Variants in FRY observed in about 807,000 individuals in gnomAD.
FRY encodes the protein protein furry homolog.
In FRY, 128 loss-of-function variants were observed where a neutral mutation model predicts 348.4. The ratio of observed to expected loss-of-function variants is 0.37; its 90% CI spans 0.32 to 0.43. FRY has a LOEUF of 0.43. FRY is among the 20% of genes least tolerant of loss of function. FRY has a pLI of 1.00. For missense variants in FRY, 2,736 were observed against 3,695.2 expected (o/e 0.74, Z 6.73); for synonymous variants, 1,370 against 1,374.7 (o/e 1.00, Z 0.08).
rs189162930 is a variant in FRY at position 32,085,872 on chromosome 13, T to G, written c.270+6839T>G. 23 of 518,938 alleles carry G rather than the reference T, an allele frequency of 4.4e-5. No homozygotes were observed. In the East Asian group the frequency reaches 1.3e-3, roughly 28 times the overall value. The allele number at this position is 518,938 out of a possible 1,614,324, so 32.1% of individuals were successfully genotyped here. A position where few individuals can be genotyped will look rare whatever the true frequency, so the allele number is the denominator to read the frequency against. On this transcript the variant is annotated intron_variant, in intron 2 of 60. Transcript: ENST00000542859. ...GCATTGACAGAGACACAACCACAGCTCCTTTCAGCAGACCTGGTCTTAGCC... is the reference window on the plus strand; with the variant it reads ...GCATTGACAGAGACACAACCACAGCGCCTTTCAGCAGACCTGGTCTTAGCC...
intron 35 of FRY, among the ~76,000 whole-genome samples, chr13:32,217,857 G>GT: frequency 6.6e-6 from 1 of 152,144 alleles, no homozygotes. Flanking sequence ...TTTTGTTTTT[G>GT]TTTTTGTTTT....
intron 14 of FRY, among the ~76,000 whole-genome samples, 193 bp downstream of exon 14, chr13:32,150,027 G>A (rs868162931): frequency 2.0e-5 from 3 of 152,250 alleles, no homozygotes; most frequent in East Asian, 1.9e-4. Context: ...AGAATGAAAC[G>A]GTTAGTTGAA....
rs553130939 is a variant in FRY at position 32,143,128 on chromosome 13, C to G, written c.1180-4154C>G. Among the ~76,000 whole-genome samples the G allele has an allele frequency of 1.2e-4, 19 of 152,298 alleles. 1 individual carries two copies. The South Asian group carries it at 3.9e-3, about 32-fold the overall frequency. Reference sequence around the variant, plus strand: ...GAAGTGGTACAAGGGAGCCAGGTCACAAAAGGCCCCTCATGTGCTATATTA... The same window carrying G: ...GAAGTGGTACAAGGGAGCCAGGTCAGAAAAGGCCCCTCATGTGCTATATTA... On this transcript the variant is annotated intron_variant, in intron 11 of 60. Coordinates refer to ENST00000542859, the MANE Select transcript of FRY (RefSeq NM_023037.3).
chr13:32,087,206 T>G (rs1875934011), intron 2 of FRY, among the ~76,000 whole-genome samples: 2 of 152,250 alleles, frequency 1.3e-5, no homozygotes, highest in South Asian at 4.1e-4. Flanking sequence ...ATGTCATGCT[T>G]AAGAACAAAC....
chr13:32,211,035 G>T lies in FRY; in HGVS notation c.4591+1G>T. On this transcript the variant is annotated splice_donor_variant, in intron 34 of 60. Transcript: ENST00000542859. LOFTEE classifies it high-confidence loss of function. ...AGCAAGGCTTCCGCAGCAGCCTCAG[G>T]TAAGAAGAGCAACCGGGCAGACACC... 1.9e-6 allele frequency: 3 copies of T among 1,613,950 alleles called. No individual in the cohort carries two copies. The highest frequency in any genetic ancestry group is 2.5e-6 in the Non-Finnish European group (3 of 1,179,824).
intron 51 of FRY, among the ~76,000 whole-genome samples, chr13:32,257,662 G>T (rs990421981): frequency 6.6e-5 from 10 of 152,190 alleles, no homozygotes; most frequent in African/African-American, 2.2e-4. Context: ...AAAGTGTTGA[G>T]GAGACCAAAG....
At chr13:32,248,283 C>G (rs1487299509) in intron 48 of FRY, among the ~76,000 whole-genome samples, 1 of 152,080 alleles carries the variant, frequency 6.6e-6, no homozygotes, top group Non-Finnish European at 1.5e-5. Context: ...AAGAAATAAA[C>G]CTGGTGTCAA....
At chr13:32,219,283 A>G (rs1194796786) in intron 36 of FRY, among the ~76,000 whole-genome samples, 1 of 148,194 alleles carries the variant, frequency 6.7e-6, no homozygotes, top group African/African-American at 2.5e-5. Flanking sequence ...TAGAGACGGG[A>G]TTTCACCGTG....
chr13:32,237,389 C>A lies in FRY; in HGVS notation c.5821C>A (p.Pro1941Thr), dbSNP rs1235861085. The change falls in exon 44 of 61, where the codon CCA becomes ACA. Residue 1941 changes from proline (P) to threonine (T), a missense_variant. Pro to Thr is a conservative substitution (Grantham distance 38, BLOSUM62 -1). This residue lies in a region of FRY where 794 missense variants were observed against 977.0 expected (regional missense o/e 0.81). Coordinates refer to ENST00000542859, the MANE Select transcript of FRY (RefSeq NM_023037.3). This position sits in a 1 kb window ranked among gnomAD's most constrained non-coding sequence, Gnocchi z 6.3. Reference sequence around the variant, plus strand: ...TATTTTTATACCCAGCTCTTCCTCACCAGATTTAAGCTCCAGCAGTAAACT... The same window carrying A: ...TATTTTTATACCCAGCTCTTCCTCAACAGATTTAAGCTCCAGCAGTAAACT... ...LLTVLSRSSS[P>T]DLSSSSKLTA... 6.2e-7 allele frequency: 1 copy of A among 1,613,944 alleles called. No homozygotes were observed. The highest frequency in any genetic ancestry group is 8.5e-7 in the Non-Finnish European group (1 of 1,179,986).
At chr13:32,267,055 A>G (rs1887957787) in intron 54 of FRY, 115 bp from the exon 55 acceptor site, 2 of 897,910 alleles carry the variant, frequency 2.2e-6, no homozygotes, top group Non-Finnish European at 3.7e-6. Context: ...TTCAAAAGGA[A>G]GAGTGGGTAG....
chr13:32,179,184 T>C (rs1465177606), intron 22 of FRY, 151 bp downstream of exon 22: 2 of 657,514 alleles, frequency 3.0e-6, no homozygotes, highest in African/African-American at 3.7e-5. Context: ...CCATTGAGTG[T>C]TTATATGAAT....
chr13:32,097,284 C>T (rs1423477094), intron 2 of FRY, among the ~76,000 whole-genome samples: 2 of 151,928 alleles, frequency 1.3e-5, no homozygotes, highest in African/African-American at 2.4e-5. Flanking sequence ...TTTAAGGTCT[C>T]CCATATAGAT....
At chr13:32,085,688 A>C (rs1177537443) in intron 2 of FRY, among the ~76,000 whole-genome samples, 2 of 152,162 alleles carry the variant, frequency 1.3e-5, no homozygotes, top group Admixed American at 1.3e-4. Flanking sequence ...TCCTCATTGG[A>C]GGGCTGAGAT....
In FRY at chr13:32,117,877, G is replaced by A. The variant is rs923467992; in HGVS notation, c.464+404G>A. On this transcript the variant is annotated intron_variant, in intron 4 of 60. Transcript: ENST00000542859. ...CTCAGTGTACTGTAGTGGGAAGGAC[G>A]CTGGACTGGACGTTAGTGGTAGTCC... Among the ~76,000 whole-genome samples the A allele has an allele frequency of 2.0e-5, 3 of 152,150 alleles. No individual in the cohort carries two copies. In the East Asian group the frequency reaches 5.8e-4, roughly 29 times the overall value.
Position 32,276,472 on chromosome 13 carries a change from A to C in FRY, c.8295A>C (p.Ser2765=). 1 of 1,570,874 alleles carries C rather than the reference A, an allele frequency of 6.4e-7. No individual in the cohort carries two copies. Among genetic ancestry groups the C allele is most frequent in the Non-Finnish European group, 8.8e-7 (1 of 1,140,596 alleles). ...TATTTTCCTGTCTTTAGCTCCTTTC[A>C]TGTGGACTTCTGGACAAGCTCAAGT... ...TLFVDAETLL[S]CGLLDKLKFS... Residue 2765 remains serine, a synonymous_variant, in exon 57 of 61, where the codon TCA becomes TCC. Transcript: ENST00000542859.
chr13:32,062,102 A>G (rs9533320), intron 1 of FRY, among the ~76,000 whole-genome samples: 5,377 of 148,390 alleles, frequency 0.036, 101 homozygotes, highest in African/African-American at 0.047. Context: ...TGTTTCTAGG[A>G]AAAAAAAATC....
At chr13:32,154,091 A>C (rs1880960932) in intron 14 of FRY, among the ~76,000 whole-genome samples, 3 of 152,162 alleles carry the variant, frequency 2.0e-5, no homozygotes, top group Non-Finnish European at 4.4e-5. Context: ...TTGACCACAT[A>C]TGTCATCCCA....
At chr13:32,173,602 A>C in intron 19 of FRY, 53 bp downstream of exon 19, 1 of 1,322,062 alleles carries the variant, frequency 7.6e-7, no homozygotes, top group Non-Finnish European at 1.1e-6. Flanking sequence ...CTCTTCTGAA[A>C]TTTAGATTAA....
intron 51 of FRY, chr13:32,261,362 T>C: frequency 1.6e-6 from 1 of 607,354 alleles, no homozygotes; most frequent in South Asian, 1.7e-5. Context: ...TTTTAAAAAA[T>C]GTAATTATTA....
Sources: allele counts gnomAD v4.1 joint callset (sites outside exome capture counted in the v4.1 genomes callset), GRCh38; gene constraint gnomAD v4.1.1; regional missense constraint gnomAD v4.1.1; non-coding constraint Gnocchi (gnomAD v3.1); transcripts MANE v1.5; gene names NCBI Gene and HGNC (gene_info 2026-07-23, HGNC 2026-07-21).